The following SORBS2 variants were observed in gnomAD, a reference collection of about 807,000 sequenced individuals.
The protein encoded by SORBS2 is sorbin and SH3 domain-containing protein 2.
A neutral mutation model predicts 97.7 loss-of-function variants in SORBS2; 46 were observed. The observed-to-expected ratio is 0.47, with a 90% CI of 0.37 to 0.60. The LOEUF (loss-of-function observed/expected upper bound fraction) is 0.60. Ranked by LOEUF, SORBS2 falls within the 20% of genes least tolerant of loss-of-function variation. SORBS2 has a pLI of 0.00. For missense variants in SORBS2, 1,316 were observed against 1,282.3 expected (o/e 1.03, Z -0.40); for synonymous variants, 476 against 473.4 (o/e 1.01, Z -0.07).
At chr4:185,824,201 G>A (rs2099198474) in intron 1 of SORBS2, among the ~76,000 whole-genome samples, 1 of 152,180 alleles carries the variant, frequency 6.6e-6, no homozygotes, top group Non-Finnish European at 1.5e-5. Flanking sequence ...AGGCTCCAGG[G>A]AGGATCTTTC....
intron 1 of SORBS2, among the ~76,000 whole-genome samples, chr4:185,787,933 A>G (rs910125112): frequency 6.6e-6 from 1 of 152,252 alleles, no homozygotes; most frequent in African/African-American, 2.4e-5. Flanking sequence ...GGAGCAGAAG[A>G]TGATTTTACA....
At chr4:185,661,784 C>T (rs1170451973), upstream of SORBS2, among the ~76,000 whole-genome samples, 1 of 152,166 alleles carries the variant, frequency 6.6e-6, no homozygotes, top group African/African-American at 2.4e-5. Flanking sequence ...GAACAAGCTG[C>T]CCTAGTGGAA....
At chr4:185,890,611 C>T (rs770982372) in intron 1 of SORBS2, among the ~76,000 whole-genome samples, 3 of 152,242 alleles carry the variant, frequency 2.0e-5, no homozygotes, top group Non-Finnish European at 4.4e-5. Context: ...CGTGATCACG[C>T]TCCACTCAGT....
In SORBS2 at chr4:185,651,846, A is replaced by AGATGATATCTAGAAAATATAGAAATCT. The variant is rs1453032050; in HGVS notation, c.91+815_91+816insAGATTTCTATATTTTCTAGATATCATC. On this transcript the variant is annotated intron_variant, in intron 2 of 14. Coordinates refer to ENST00000418609, the Ensembl canonical transcript of SORBS2. The stretch of plus-strand genomic sequence containing the variant: ...GTCATCATCTAGAAAATGAAACATA[A>AGATGATATCTAGAAAATATAGAAATCT]ATATTATGGTAATATAGATTGTCAC... 5.0e-6 allele frequency: 6 copies of AGATGATATCTAGAAAATATAGAAATCT among 1,191,322 alleles called. No homozygotes were observed. Among genetic ancestry groups the AGATGATATCTAGAAAATATAGAAATCT allele is most frequent in the African/African-American group, 1.5e-5 (1 of 66,508 alleles). The allele number at this position is 1,191,322 out of a possible 1,614,324, so 73.8% of individuals were successfully genotyped here. A position where few individuals can be genotyped will look rare whatever the true frequency, so the allele number is the denominator to read the frequency against.
chr4:185,677,760 C>T, intron 4 of SORBS2: 1 of 574,464 alleles, frequency 1.7e-6, no homozygotes, highest in Non-Finnish European at 2.8e-6. Context: ...CAATGCCACA[C>T]CTTCTGATTA....
At chr4:185,762,293 C>T (rs182618735) in intron 2 of SORBS2, among the ~76,000 whole-genome samples, 260 of 152,200 alleles carry the variant, frequency 1.7e-3, no homozygotes, top group African/African-American at 5.9e-3. Flanking sequence ...GAGTTTTAGA[C>T]GCATTGAATT....
chr4:185,728,430 T>A (rs1046952421), intron 2 of SORBS2, among the ~76,000 whole-genome samples: 1 of 152,220 alleles, frequency 6.6e-6, no homozygotes, highest in Non-Finnish European at 1.5e-5. Flanking sequence ...CTAGCTCTAG[T>A]AATCTTGATG....
At chr4:185,733,022 G>A (rs2098654681) in intron 2 of SORBS2, among the ~76,000 whole-genome samples, 1 of 152,220 alleles carries the variant, frequency 6.6e-6, no homozygotes, top group African/African-American at 2.4e-5. Flanking sequence ...CGCTGCTGGA[G>A]CCTTCACAGG....
chr4:185,768,834 C>T (rs2098952880), intron 2 of SORBS2, among the ~76,000 whole-genome samples: 1 of 152,004 alleles, frequency 6.6e-6, no homozygotes, highest in Non-Finnish European at 1.5e-5. Flanking sequence ...GAAAGGTTAT[C>T]TTTATACACC....
intron 12 of SORBS2, among the ~76,000 whole-genome samples, chr4:185,603,954 C>T (rs1224323532): frequency 1.3e-5 from 2 of 152,106 alleles, no homozygotes; most frequent in African/African-American, 4.8e-5. Context: ...AAAGATCATC[C>T]TGTCTCCAGG....
At chr4:185,751,190 A>AAAAAG in intron 2 of SORBS2, among the ~76,000 whole-genome samples, 25 of 86,486 alleles carry the variant, frequency 2.9e-4, no homozygotes, top group South Asian at 9.4e-4. Context: ...AAAAAAAAAA[A>AAAAAG]AGAGAAAGAG....
intron 12 of SORBS2, among the ~76,000 whole-genome samples, chr4:185,594,852 C>CTAAA (rs1376797772): frequency 6.6e-6 from 1 of 152,158 alleles, no homozygotes; most frequent in African/African-American, 2.4e-5. Context: ...GCATTTGCTT[C>CTAAA]TAAATGATAG....
At chr4:185,663,894 G>A (rs1020372397) in intron 4 of SORBS2, among the ~76,000 whole-genome samples, 3 of 118,544 alleles carry the variant, frequency 2.5e-5, no homozygotes, top group South Asian at 5.7e-4. Flanking sequence ...TCGCTCTGTC[G>A]CCCAGGCTGG....
In SORBS2 at chr4:185,606,736, C is replaced by T; in HGVS notation, c.2796+5044G>A. 1 of 985,352 alleles carries T rather than the reference C, an allele frequency of 1.0e-6. No homozygotes were observed. Among genetic ancestry groups the T allele is most frequent in the Non-Finnish European group, 1.2e-6 (1 of 829,912 alleles). 61.0% of individuals were successfully genotyped at this position (985,352 alleles called of 1,614,324 possible). On this transcript the variant is annotated intron_variant, in intron 12 of 14. Coordinates refer to ENST00000418609, the Ensembl canonical transcript of SORBS2. The surrounding 1 kb of genome is among the most constrained non-coding windows in gnomAD (Gnocchi z 4.3). Reference sequence around the variant, plus strand: ...GGTGCCCTCTGACCCATCGTGGCCACACCACCAGGCGTCTCCTTCCTGAGG... The same window carrying T: ...GGTGCCCTCTGACCCATCGTGGCCATACCACCAGGCGTCTCCTTCCTGAGG...
At chr4:185,589,604 A>T (rs2095872686) in intron 14 of SORBS2, 75 bp downstream of exon 26, 1 of 843,150 alleles carries the variant, frequency 1.2e-6, no homozygotes, top group South Asian at 1.4e-5. Flanking sequence ...CGGCCATCAC[A>T]GCAAACCACG....
At chr4:185,785,580 C>T (rs1455272219) in intron 1 of SORBS2, among the ~76,000 whole-genome samples, 1 of 152,242 alleles carries the variant, frequency 6.6e-6, no homozygotes. Flanking sequence ...AACTCTATTA[C>T]TGCCAGCTTC....
chr4:185,915,249 T>C (rs2099257480), intron 1 of SORBS2, among the ~76,000 whole-genome samples: 2 of 152,218 alleles, frequency 1.3e-5, no homozygotes. Context: ...GAGCATTTGT[T>C]TTTGAAGCAA....
At chr4:185,617,617 C>T (rs6855440) in intron 9 of SORBS2, among the ~76,000 whole-genome samples, 47,061 of 151,870 alleles carry the variant, frequency 0.31, 8,835 homozygotes, top group South Asian at 0.5. Context: ...TACTGGAGAA[C>T]AAAGTTTCTT....
At chr4:185,735,708 A>ATG (rs2098681151) in intron 2 of SORBS2, among the ~76,000 whole-genome samples, 1 of 151,608 alleles carries the variant, frequency 6.6e-6, no homozygotes, top group African/African-American at 2.4e-5. Context: ...GTGTGTGTGT[A>ATG]TGTGTGTGTG....
Sources: gnomAD v4.1 joint callset for allele counts (sites outside exome capture counted in the v4.1 genomes callset) on GRCh38, gnomAD v4.1.1 for gene constraint, Gnocchi (gnomAD v3.1) non-coding constraint, MANE v1.5 for transcripts, NCBI Gene and HGNC (gene_info 2026-07-23, HGNC 2026-07-21) for gene names.